KLF13: variants seen among roughly 807,000 people sequenced by gnomAD.
KLF13 encodes the protein Krueppel-like factor 13.
Under a neutral mutation model 16.7 loss-of-function variants are expected in KLF13, and 8 were observed. The ratio of observed to expected loss-of-function variants is 0.48; its 90% CI spans 0.28 to 0.87. KLF13 has a LOEUF of 0.87. KLF13 is among the 40% of genes least tolerant of loss of function. The pLI, the probability that KLF13 is intolerant of heterozygous loss-of-function variation, is 0.10. For synonymous variants in KLF13, 245 were observed against 208.4 expected, an observed-to-expected ratio of 1.18 and a Z score of -1.51; for missense variants, 447 against 452.2, an observed-to-expected ratio of 0.99 and a Z score of 0.10.
chr15:31,433,301 C>T (rs943936246), intron 1 of KLF13, among the ~76,000 whole-genome samples: 11 of 152,138 alleles, frequency 7.2e-5, no homozygotes, highest in East Asian at 5.8e-4. Context: ...TACTTCCATG[C>T]GGTGGCTTTT....
In KLF13 at chr15:31,352,656, G is replaced by A. The variant is rs989802496; in HGVS notation, c.578-19354G>A. Among the ~76,000 whole-genome samples the A allele has an allele frequency of 4.6e-5, 7 of 152,222 alleles. No homozygotes were observed. The South Asian group carries it at 1.0e-3, about 22-fold the overall frequency. On this transcript the variant is annotated intron_variant, in intron 1 of 1. Transcript: ENST00000307145. ...TCTTCAGGGCTGGGTCTACCAACCC[G>A]GTCTGTGCATTTCCAGCCTCCTGTG...
intron 1 of KLF13, among the ~76,000 whole-genome samples, chr15:31,431,551 G>C (rs1232414276): frequency 1.3e-5 from 2 of 151,880 alleles, no homozygotes; most frequent in Non-Finnish European, 2.9e-5. Flanking sequence ...TGCAACCTCC[G>C]CCTCCCAGGT....
chr15:31,354,193 C>T (rs1462074606), intron 1 of KLF13, among the ~76,000 whole-genome samples: 1 of 151,862 alleles, frequency 6.6e-6, no homozygotes, highest in Non-Finnish European at 1.5e-5. Context: ...CAGCCCAGGC[C>T]TGCAGGATGG....
intron 1 of KLF13, among the ~76,000 whole-genome samples, chr15:31,385,495 A>C (rs1023177981): frequency 6.6e-6 from 1 of 152,234 alleles, no homozygotes; most frequent in Non-Finnish European, 1.5e-5. Context: ...CATTTTTCCA[A>C]CAGCACATGC....
intron 1 of KLF13, among the ~76,000 whole-genome samples, chr15:31,386,569 G>A (rs1297332946): frequency 6.6e-6 from 1 of 152,218 alleles, no homozygotes. Flanking sequence ...AGCAGCAAGT[G>A]CTGCTATAGA....
At position 31,331,022 on chromosome 15, in the gene KLF13, C is replaced by T. The variant is rs1356307606; in HGVS notation, c.577+3233C>T. Among the ~76,000 whole-genome samples the T allele has an allele frequency of 2.6e-5, 4 of 152,232 alleles. No homozygotes were observed. The South Asian group carries it at 8.3e-4, about 31-fold the overall frequency. ...CAGATCCTGCCTCTGGAGAGTCCTG[C>T]GTGTTGTCCTGAATGGGGAGACTTG... On this transcript the variant is annotated intron_variant, in intron 1 of 1. Transcript: ENST00000307145.
intron 2 of KLF13, among the ~76,000 whole-genome samples, chr15:31,394,827 C>T (rs2140986460): frequency 6.6e-6 from 1 of 152,280 alleles, no homozygotes; most frequent in Non-Finnish European, 1.5e-5. Context: ...TTTCCCTGGC[C>T]CTAGGAGCCA....
intron 1 of KLF13, among the ~76,000 whole-genome samples, chr15:31,383,827 G>A (rs1027523220): frequency 3.3e-5 from 5 of 152,010 alleles, no homozygotes; most frequent in Non-Finnish European, 5.9e-5. Flanking sequence ...GTGTGAACCT[G>A]GGAGGCAGAG....
intron 1 of KLF13, among the ~76,000 whole-genome samples, chr15:31,413,563 A>C (rs147786329): frequency 2.0e-5 from 3 of 152,150 alleles, no homozygotes; most frequent in African/African-American, 7.2e-5. Flanking sequence ...GTGAAATAAC[A>C]TATTTGAAGT....
intron 1 of KLF13, among the ~76,000 whole-genome samples, chr15:31,411,548 A>C (rs997756311): frequency 2.0e-5 from 3 of 149,434 alleles, no homozygotes; most frequent in Admixed American, 6.7e-5. Flanking sequence ...GGCGCCTGCC[A>C]CCACACCTGG....
chr15:31,369,840 G>A (rs1292199514), intron 1 of KLF13, among the ~76,000 whole-genome samples: 9 of 152,168 alleles, frequency 5.9e-5, no homozygotes, highest in Non-Finnish European at 8.8e-5. Context: ...TGTGACTTAG[G>A]AAAAGTCTGA....
chr15:31,381,179 A>G (rs1198120794), downstream of KLF13, among the ~76,000 whole-genome samples: 1 of 152,030 alleles, frequency 6.6e-6, no homozygotes. Flanking sequence ...CTCAAAAAAA[A>G]AAAAAAAATA....
At chr15:31,383,785 C>T (rs1404125141) in intron 1 of KLF13, among the ~76,000 whole-genome samples, 3 of 152,072 alleles carry the variant, frequency 2.0e-5, no homozygotes, top group Non-Finnish European at 2.9e-5. Context: ...GCCTGTAGTC[C>T]CAGCTACTCG....
At chr15:31,370,754 C>T (rs2039545048) in intron 1 of KLF13, among the ~76,000 whole-genome samples, 1 of 152,202 alleles carries the variant, frequency 6.6e-6, no homozygotes, top group African/African-American at 2.4e-5. Flanking sequence ...ATGGTATCCT[C>T]TTTGCTTTTG....
intron 1 of KLF13, among the ~76,000 whole-genome samples, chr15:31,349,101 G>A (rs968474459): frequency 6.6e-6 from 1 of 152,300 alleles, no homozygotes; most frequent in South Asian, 2.1e-4. Flanking sequence ...ATAGTGCCCA[G>A]CGTTCTTGCC....
chr15:31,420,471 T>G (rs2040307960), intron 1 of KLF13: 1 of 757,442 alleles, frequency 1.3e-6, no homozygotes, highest in Non-Finnish European at 2.3e-6. Context: ...AACATATGCC[T>G]GGATATCTGG....
intron 1 of KLF13, among the ~76,000 whole-genome samples, chr15:31,430,944 T>C (rs2141015744): frequency 6.6e-6 from 1 of 152,280 alleles, no homozygotes; most frequent in African/African-American, 2.4e-5. Flanking sequence ...AGTACACTCA[T>C]GAGCCTCCAA....
chr15:31,434,448 G>A (rs977451594), intron 1 of KLF13, among the ~76,000 whole-genome samples: 6 of 152,138 alleles, frequency 3.9e-5, no homozygotes, highest in African/African-American at 7.2e-5. Flanking sequence ...AGGGAGGTTC[G>A]AATCAGGTGC....
Position 31,327,192 on chromosome 15 carries a change from C to A in KLF13, c.-21C>A, listed in dbSNP as rs968467110. On this transcript the variant is annotated 5_prime_UTR_variant, in exon 1 of 2. Coordinates refer to ENST00000307145, the MANE Select transcript of KLF13 (RefSeq NM_015995.4). ...CTGACGACTCGCAGCAAGAGCACCG[C>A]CGCCGGCCCCAGCCCGCAGCATGGC... 3 of 1,314,986 alleles carry A rather than the reference C, an allele frequency of 2.3e-6. No individual in the cohort carries two copies. The African/African-American group carries it at 4.7e-5, about 21-fold the overall frequency. The allele number at this position is 1,314,986 out of a possible 1,614,324, so 81.5% of individuals were successfully genotyped here. A position where few individuals can be genotyped will look rare whatever the true frequency, so the allele number is the denominator to read the frequency against.
Sources: allele counts gnomAD v4.1 joint callset (sites outside exome capture counted in the v4.1 genomes callset), GRCh38; gene constraint gnomAD v4.1.1; transcripts MANE v1.5; gene names NCBI Gene and HGNC (gene_info 2026-07-23, HGNC 2026-07-21).